MCC: variants seen among roughly 807,000 people sequenced by gnomAD.
MCC encodes MCC regulator of Wnt signaling pathway, also known as colorectal mutant cancer protein.
Under a neutral mutation model 116.2 loss-of-function variants are expected in MCC, and 90 were observed. The observed-to-expected ratio is 0.77, with a 90% CI of 0.65 to 0.92. The LOEUF (loss-of-function observed/expected upper bound fraction) is 0.92. Ranked by LOEUF, MCC falls within the 40% of genes least tolerant of loss-of-function variation. The pLI, the probability that MCC is intolerant of heterozygous loss-of-function variation, is 0.00. For synonymous variants in MCC, 578 were observed against 510.5 expected (o/e 1.13, Z -1.78); for missense variants, 1,516 against 1,312.2 (o/e 1.16, Z -2.40).
intron 3 of MCC, among the ~76,000 whole-genome samples, chr5:113,334,234 G>T (rs992991204): frequency 1.3e-5 from 2 of 150,092 alleles, no homozygotes; most frequent in Non-Finnish European, 3.0e-5. Context: ...GGGGGATAGG[G>T]TCTAGTTCTG....
chr5:113,201,620 C>T (rs1411365006), intron 3 of MCC, among the ~76,000 whole-genome samples: 1 of 152,154 alleles, frequency 6.6e-6, no homozygotes, highest in Non-Finnish European at 1.5e-5. Flanking sequence ...ATTTTCCAAA[C>T]TTTTATGAAA....
chr5:113,456,983 G>C (rs1052944218), intron 1 of MCC, among the ~76,000 whole-genome samples: 2 of 152,162 alleles, frequency 1.3e-5, no homozygotes, highest in Admixed American at 6.5e-5. Flanking sequence ...CAGCGTGCTG[G>C]CAGTCCTCAC....
At chr5:113,471,762 C>CGAGAGGTGGAGCCTA (rs1554086454) in intron 1 of MCC, among the ~76,000 whole-genome samples, 76 of 121,952 alleles carry the variant, frequency 6.2e-4, no homozygotes, top group Non-Finnish European at 1.1e-3. Context: ...TGCCCTGCCC[C>CGAGAGGTGGAGCCTA]CAGAGAGGCA....
rs1759848132 is a variant in MCC, at chr5:113,151,268, A to G, written c.741+41T>C. 7 of 1,284,510 alleles carry G rather than the reference A, an allele frequency of 5.4e-6. No individual in the cohort carries two copies. In the Admixed American group the frequency reaches 1.0e-4, roughly 19 times the overall value. The allele number at this position is 1,284,510 out of a possible 1,614,324, so 79.6% of individuals were successfully genotyped here. On this transcript the variant is annotated intron_variant, in intron 4 of 18. Transcript: ENST00000408903. ...TATCTTAAGATTAAATATTTAAAAC[A>G]AAAAACAAAAGCAAACTAAAAACCT...
intron 3 of MCC, among the ~76,000 whole-genome samples, chr5:113,231,075 T>C (rs922232778): frequency 4.1e-5 from 6 of 144,598 alleles, no homozygotes; most frequent in African/African-American, 1.7e-4. Flanking sequence ...TCTCCAAAAC[T>C]CTAATTCCAG....
chr5:113,453,909 G>C (rs1271914834), intron 1 of MCC, among the ~76,000 whole-genome samples: 1 of 152,154 alleles, frequency 6.6e-6, no homozygotes, highest in Non-Finnish European at 1.5e-5. Flanking sequence ...TTGGGAGTTC[G>C]AGACCACCCT....
intron 3 of MCC, among the ~76,000 whole-genome samples, chr5:113,293,435 C>G (rs1561511380): frequency 6.6e-6 from 1 of 152,130 alleles, no homozygotes; most frequent in Non-Finnish European, 1.5e-5. Flanking sequence ...GTGATGGAAC[C>G]AAGAGGGAAA....
intron 3 of MCC, among the ~76,000 whole-genome samples, chr5:113,223,094 T>C (rs374343129): frequency 3.3e-5 from 5 of 152,010 alleles, no homozygotes; most frequent in African/African-American, 1.2e-4. Flanking sequence ...GTGACACACG[T>C]ATAAAAATGG....
intron 1 of MCC, among the ~76,000 whole-genome samples, chr5:113,481,021 C>A (rs1395541179): frequency 6.6e-6 from 1 of 152,188 alleles, no homozygotes; most frequent in Non-Finnish European, 1.5e-5. Flanking sequence ...AAGAGATCCA[C>A]CTGCCTCAGC....
At chr5:113,365,305 C>T (rs1768658702) in intron 2 of MCC, among the ~76,000 whole-genome samples, 1 of 152,174 alleles carries the variant, frequency 6.6e-6, no homozygotes, top group Non-Finnish European at 1.5e-5. Flanking sequence ...TTCAAAGTTC[C>T]ACAGATCCCT....
chr5:113,192,143 C>A (rs1182458189), intron 3 of MCC, among the ~76,000 whole-genome samples: 2 of 152,152 alleles, frequency 1.3e-5, no homozygotes, highest in Non-Finnish European at 2.9e-5. Flanking sequence ...GCCACATGCC[C>A]CTTCCTTCAC....
At position 113,026,982 on chromosome 5, in the gene MCC, G is replaced by A. The variant is rs139385104; in HGVS notation, c.*320C>T. 1.3e-3 allele frequency: 392 copies of A among 295,676 alleles called. 4 individuals are homozygous for A. The highest frequency in any genetic ancestry group is 2.1e-3 in the Non-Finnish European group (340 of 160,886). The allele number at this position is 295,676 out of a possible 1,614,324, so 18.3% of individuals were successfully genotyped here. The stretch of plus-strand genomic sequence containing the variant: ...AACAAATGTCTGGGATCCCACTGAT[G>A]CACAGCCGCCAGACCAGAAGAGGAG... On this transcript the variant is annotated 3_prime_UTR_variant, in exon 19 of 19. Coordinates refer to ENST00000408903, the MANE Select transcript of MCC (RefSeq NM_001085377.2).
chr5:113,459,825 A>AACAC (rs5870543), intron 1 of MCC, among the ~76,000 whole-genome samples: 3,066 of 147,606 alleles, frequency 0.021, 42 homozygotes, highest in Middle Eastern at 0.031. Flanking sequence ...CGCTATGGAA[A>AACAC]ACACACACAC....
intron 5 of MCC, 126 bp downstream of exon 5, chr5:113,143,092 A>G: frequency 3.9e-6 from 4 of 1,014,406 alleles, no homozygotes; most frequent in Non-Finnish European, 5.5e-6. Flanking sequence ...AAACATCATT[A>G]TAATCTAGTT....
At chr5:113,360,014 T>G (rs1276912130) in intron 2 of MCC, among the ~76,000 whole-genome samples, 1 of 152,160 alleles carries the variant, frequency 6.6e-6, no homozygotes, top group Admixed American at 6.5e-5. Context: ...CACTAATTTT[T>G]AAGTGTCATA....
At chr5:113,232,305 T>A (rs1254393812) in intron 3 of MCC, among the ~76,000 whole-genome samples, 1 of 152,308 alleles carries the variant, frequency 6.6e-6, no homozygotes, top group South Asian at 2.1e-4. Context: ...TATCTTCCAA[T>A]GCTGGGATAC....
At chr5:113,369,857 C>A (rs1177589563) in intron 2 of MCC, among the ~76,000 whole-genome samples, 1 of 152,184 alleles carries the variant, frequency 6.6e-6, no homozygotes, top group Non-Finnish European at 1.5e-5. Context: ...TAACTCTAAT[C>A]CTCCCTCACC....
chr5:113,057,799 A>T (rs187969292), intron 14 of MCC, among the ~76,000 whole-genome samples: 1 of 152,352 alleles, frequency 6.6e-6, no homozygotes, highest in East Asian at 1.9e-4. Context: ...ACAGACATCT[A>T]ATGTTCCACA....
At chr5:113,036,145 C>A (rs185962239) in intron 17 of MCC, among the ~76,000 whole-genome samples, 1 of 149,454 alleles carries the variant, frequency 6.7e-6, no homozygotes, top group African/African-American at 2.5e-5. Context: ...TCAAGTGATT[C>A]TCCTGCCTCA....
Sources: gnomAD v4.1 joint callset for allele counts (sites outside exome capture counted in the v4.1 genomes callset) on GRCh38, gnomAD v4.1.1 for gene constraint, MANE v1.5 for transcripts, NCBI Gene and HGNC (gene_info 2026-07-23, HGNC 2026-07-21) for gene names.